Variants in MYLK observed in about 807,000 individuals in gnomAD.
MYLK encodes the protein myosin light chain kinase, also known as myosin light chain kinase, smooth muscle.
A neutral mutation model predicts 203.4 loss-of-function variants in MYLK; 106 were observed. That is an observed-to-expected ratio of 0.52 (90% CI 0.45 to 0.61). The LOEUF (loss-of-function observed/expected upper bound fraction) is 0.61, where lower values mean the gene tolerates loss of function less well. MYLK is among the 20% of genes least tolerant of loss of function. The probability of loss-of-function intolerance (pLI) is 0.00; values close to 1 mark genes in which losing one functional copy is unlikely to be tolerated. For missense variants in MYLK, 2,072 were observed against 2,442.3 expected (o/e 0.85, Z 3.20); for synonymous variants, 867 against 959.5 (o/e 0.90, Z 1.78).
intron 19 of MYLK, chr3:123,692,256 C>A (rs1186204109): frequency 1.9e-6 from 2 of 1,050,558 alleles, no homozygotes; most frequent in African/African-American, 1.6e-5. Flanking sequence ...CCTGTCCTCT[C>A]TGTCCAGAGA....
intron 2 of MYLK, among the ~76,000 whole-genome samples, chr3:123,841,117 C>T (rs563711845): frequency 2.8e-4 from 42 of 152,140 alleles, no homozygotes; most frequent in Admixed American, 1.6e-3. Context: ...TTCTTACTAC[C>T]GGACCTCTGG....
chr3:123,825,821 G>C (rs2066097816), intron 3 of MYLK, among the ~76,000 whole-genome samples: 1 of 152,198 alleles, frequency 6.6e-6, no homozygotes, highest in African/African-American at 2.4e-5. Flanking sequence ...CCCTGCCATT[G>C]CACTTCCAGC....
Position 123,791,039 on chromosome 3 carries a change from T to C in MYLK, c.165+2638A>G, listed in dbSNP as rs57891461. On this transcript the variant is annotated intron_variant, in intron 4 of 33. Coordinates refer to ENST00000360304, the MANE Select transcript of MYLK (RefSeq NM_053025.4). The stretch of plus-strand genomic sequence containing the variant: ...GAGCTCAGTTACCAGAGAAATGTGC[T>C]CCTGAGGCCATCCTGAGAGTGATAC... Among the ~76,000 whole-genome samples the C allele has an allele frequency of 6.6e-5, 10 of 152,236 alleles. No homozygotes were observed. The East Asian group carries it at 1.7e-3, about 26-fold the overall frequency.
At chr3:123,675,098 C>A (rs1406563592) in intron 20 of MYLK, among the ~76,000 whole-genome samples, 2 of 152,242 alleles carry the variant, frequency 1.3e-5, no homozygotes, top group East Asian at 3.8e-4. Flanking sequence ...GGCACTGATG[C>A]TGAGAAATAT....
chr3:123,756,401 C>T (rs1421098120), intron 4 of MYLK, among the ~76,000 whole-genome samples: 1 of 152,138 alleles, frequency 6.6e-6, no homozygotes, highest in Admixed American at 6.5e-5. Flanking sequence ...CCTAAGACAC[C>T]CCTAGGAGAG....
intron 4 of MYLK, among the ~76,000 whole-genome samples, chr3:123,766,442 G>T (rs1207888089): frequency 6.6e-6 from 1 of 152,236 alleles, no homozygotes; most frequent in African/African-American, 2.4e-5. Flanking sequence ...GGAGGGTGAG[G>T]GCTCCACAGA....
chr3:123,689,429 C>A (rs1011101359), intron 19 of MYLK, among the ~76,000 whole-genome samples: 1 of 152,134 alleles, frequency 6.6e-6, no homozygotes, highest in African/African-American at 2.4e-5. Context: ...CATGGTAATT[C>A]ACTGCCCGGG....
At chr3:123,741,089 C>T (rs918805550) in intron 5 of MYLK, among the ~76,000 whole-genome samples, 1 of 152,114 alleles carries the variant, frequency 6.6e-6, no homozygotes, top group Non-Finnish European at 1.5e-5. Flanking sequence ...AAACCCTATC[C>T]CAGGGAGGGT....
At chr3:123,875,247 A>G (rs72974236) in intron 2 of MYLK, among the ~76,000 whole-genome samples, 15,320 of 152,276 alleles carry the variant, frequency 0.1, 1,207 homozygotes, top group East Asian at 0.36. Flanking sequence ...AGGTAAACAC[A>G]CGGTGATACG....
At chr3:123,799,440 T>G (rs934108011) in intron 3 of MYLK, among the ~76,000 whole-genome samples, 1 of 151,908 alleles carries the variant, frequency 6.6e-6, no homozygotes, top group Non-Finnish European at 1.5e-5. Flanking sequence ...ACAGAACAAG[T>G]TTAGAGAAAC....
At chr3:123,765,230 A>G (rs1462888758) in intron 4 of MYLK, among the ~76,000 whole-genome samples, 1 of 152,176 alleles carries the variant, frequency 6.6e-6, no homozygotes, top group African/African-American at 2.4e-5. Context: ...CAGGGACTTG[A>G]AAAGAAATTT....
Position 123,851,956 on chromosome 3 carries a change from G to C in MYLK, c.-126-20286C>G, listed in dbSNP as rs192143840. Among the ~76,000 whole-genome samples the C allele has an allele frequency of 2.0e-3, 305 of 152,246 alleles. 3 individuals carry two copies. The highest frequency in any genetic ancestry group is 5.0e-3 in the Admixed American group (76 of 15,292). On this transcript the variant is annotated intron_variant, in intron 2 of 33. Coordinates refer to ENST00000360304, the MANE Select transcript of MYLK (RefSeq NM_053025.4). Reference sequence around the variant, plus strand: ...ATTACTGAGAGTTTTTAGCATGAAGGGCTGTAGAATTTTGTCAAAGGCCTT... The same window carrying C: ...ATTACTGAGAGTTTTTAGCATGAAGCGCTGTAGAATTTTGTCAAAGGCCTT...
At chr3:123,732,482 CA>C (rs1403539406) in intron 11 of MYLK, among the ~76,000 whole-genome samples, 1 of 152,152 alleles carries the variant, frequency 6.6e-6, no homozygotes, top group African/African-American at 2.4e-5. Flanking sequence ...CCACAATGAA[CA>C]TGCATTACTT....
chr3:123,697,042 G>C (rs568012343), intron 18 of MYLK, among the ~76,000 whole-genome samples: 146 of 152,276 alleles, frequency 9.6e-4, no homozygotes, highest in African/African-American at 3.5e-3. Context: ...ACTTCCAGCA[G>C]CTCCTCCCGA....
chr3:123,636,491 G>A (rs1419852594), intron 29 of MYLK, among the ~76,000 whole-genome samples: 1 of 152,250 alleles, frequency 6.6e-6, no homozygotes, highest in African/African-American at 2.4e-5. Flanking sequence ...GGGGGACCCT[G>A]GGACCAAGCG....
chr3:123,861,044 G>A (rs976306457), intron 2 of MYLK, among the ~76,000 whole-genome samples: 2 of 151,962 alleles, frequency 1.3e-5, no homozygotes, highest in Non-Finnish European at 2.9e-5. Flanking sequence ...GTAGGAGAAA[G>A]GAGTGAACCC....
chr3:123,832,739 G>A (rs1158476266), intron 2 of MYLK, among the ~76,000 whole-genome samples: 1 of 152,170 alleles, frequency 6.6e-6, no homozygotes, highest in Non-Finnish European at 1.5e-5. Flanking sequence ...CTTGGAAGCA[G>A]AAAACAGCTC....
At chr3:123,749,201 C>T (rs2063119886) in intron 5 of MYLK, among the ~76,000 whole-genome samples, 1 of 151,840 alleles carries the variant, frequency 6.6e-6, no homozygotes, top group Non-Finnish European at 1.5e-5. Flanking sequence ...ATCGCTTGAG[C>T]CCAGGAGGTC....
intron 14 of MYLK, 169 bp from the exon 15 acceptor site, chr3:123,709,064 G>T: frequency 1.8e-6 from 1 of 560,304 alleles, no homozygotes; most frequent in South Asian, 2.6e-5. Flanking sequence ...TCATGGGTTT[G>T]TTGGGAGGAC....
Sources: gnomAD v4.1 joint callset for allele counts (sites outside exome capture counted in the v4.1 genomes callset) on GRCh38, gnomAD v4.1.1 for gene constraint, MANE v1.5 for transcripts, NCBI Gene and HGNC (gene_info 2026-07-23, HGNC 2026-07-21) for gene names.